ADK: variants seen among roughly 807,000 people sequenced by gnomAD.
ADK encodes adenosine kinase.
A neutral mutation model predicts 44.7 loss-of-function variants in ADK; 24 were observed. The ratio of observed to expected loss-of-function variants is 0.54; its 90% confidence interval spans 0.39 to 0.76. ADK has a LOEUF of 0.76. Among genes scored for constraint, ADK ranks in the 30% least tolerant of loss-of-function variants. ADK has a pLI of 0.00. For synonymous variants in ADK, 128 were observed against 142.6 expected (o/e 0.90, Z 0.73); for missense variants, 321 against 425.1 (o/e 0.76, Z 2.15).
intron 3 of ADK, among the ~76,000 whole-genome samples, chr10:74,241,685 C>T (rs1479551673): frequency 2.0e-5 from 3 of 151,946 alleles, no homozygotes; most frequent in East Asian, 1.9e-4. Context: ...TGCGCCCAGC[C>T]GATAAAACTC....
intron 6 of ADK, among the ~76,000 whole-genome samples, chr10:74,509,746 T>C (rs1244207714): frequency 6.6e-6 from 1 of 152,192 alleles, no homozygotes; most frequent in East Asian, 1.9e-4. Flanking sequence ...TTCCCCCTAC[T>C]TTCCCAGCCT....
At chr10:74,406,517 TAATAATAATAAGAAG>T (rs1371352649) in intron 6 of ADK, among the ~76,000 whole-genome samples, 29 of 52,232 alleles carry the variant, frequency 5.6e-4, no homozygotes, top group African/African-American at 1.6e-3. Context: ...ATAATAATAA[TAATAATAATAAGAAG>T]AAGAAGAAGA....
intron 1 of ADK, among the ~76,000 whole-genome samples, chr10:74,160,189 G>A (rs1323528990): frequency 4.6e-5 from 7 of 152,168 alleles, no homozygotes; most frequent in Non-Finnish European, 1.0e-4. Context: ...AGTGGAATCA[G>A]CTTTCCGTAA....
At chr10:74,307,479 T>A (rs1840297870) in intron 3 of ADK, among the ~76,000 whole-genome samples, 1 of 152,208 alleles carries the variant, frequency 6.6e-6, no homozygotes, top group African/African-American at 2.4e-5. Flanking sequence ...TTGTCCTTGT[T>A]GCTTCAGAGC....
intron 4 of ADK, chr10:74,371,971 C>A: frequency 1.2e-6 from 1 of 866,352 alleles, no homozygotes; most frequent in South Asian, 1.3e-5. Flanking sequence ...TCTACCGTTG[C>A]TTTGTGTAAC....
chr10:74,327,386 T>C (rs529168492), intron 4 of ADK, among the ~76,000 whole-genome samples: 1 of 152,340 alleles, frequency 6.6e-6, no homozygotes, highest in Non-Finnish European at 1.5e-5. Context: ...AACTGAAACT[T>C]GTTAAGACTT....
intron 3 of ADK, among the ~76,000 whole-genome samples, chr10:74,243,992 G>A (rs1845321192): frequency 6.7e-6 from 1 of 149,782 alleles, no homozygotes; most frequent in Admixed American, 6.6e-5. Context: ...ATTAAAAATC[G>A]ACACCTTAAA....
At chr10:74,271,736 A>G (rs1846439261) in intron 3 of ADK, among the ~76,000 whole-genome samples, 1 of 151,482 alleles carries the variant, frequency 6.6e-6, no homozygotes, top group Non-Finnish European at 1.5e-5. Flanking sequence ...TATAAAGGAC[A>G]TGAACTCATC....
chr10:74,522,533 T>A (rs1016548268), intron 6 of ADK, among the ~76,000 whole-genome samples: 3 of 152,220 alleles, frequency 2.0e-5, no homozygotes, highest in Admixed American at 2.0e-4. Context: ...CAATAAACCC[T>A]TCCTTAAAAG....
intron 9 of ADK, among the ~76,000 whole-genome samples, chr10:74,639,656 A>G (rs1207029302): frequency 6.6e-6 from 1 of 152,094 alleles, no homozygotes; most frequent in Non-Finnish European, 1.5e-5. Flanking sequence ...GGCCAACACA[A>G]TAAAACCCAT....
Position 74,151,278 on chromosome 10 carries a change from G to C in ADK, c.-1G>C, listed in dbSNP as rs757735079. On this transcript the variant is annotated 5_prime_UTR_variant, in exon 1 of 11. Transcript: ENST00000539909. The stretch of plus-strand genomic sequence containing the variant: ...AGCCAAAGTGGGGTGGGAGCGCGAA[G>C]ATGGCAGCTGCTGAGGAGGAGCCGA... The C allele has an allele frequency of 1.3e-6, 2 of 1,549,688 alleles. No homozygotes were observed. The highest frequency in any genetic ancestry group is 1.7e-6 in the Non-Finnish European group (2 of 1,146,858).
At chr10:74,617,047 C>T (rs1461818148) in intron 9 of ADK, among the ~76,000 whole-genome samples, 3 of 152,078 alleles carry the variant, frequency 2.0e-5, no homozygotes, top group East Asian at 3.8e-4. Context: ...ATCTTTTTCA[C>T]ATATTAACTG....
chr10:74,288,023 A>T (rs887344070), intron 3 of ADK, among the ~76,000 whole-genome samples: 3 of 151,546 alleles, frequency 2.0e-5, no homozygotes, highest in East Asian at 3.9e-4. Context: ...ATTTTTAAGT[A>T]CTTTTTTACT....
chr10:74,450,685 T>A (rs1028292923), intron 6 of ADK, among the ~76,000 whole-genome samples: 1 of 152,214 alleles, frequency 6.6e-6, no homozygotes, highest in Non-Finnish European at 1.5e-5. Context: ...TTAAAATCTT[T>A]ATAAAAATTC....
At chr10:74,476,928 C>CA (rs1846871676) in intron 6 of ADK, among the ~76,000 whole-genome samples, 4 of 152,012 alleles carry the variant, frequency 2.6e-5, no homozygotes, top group Non-Finnish European at 5.9e-5. Context: ...TTTTACTTAG[C>CA]AAAATTCATT....
chr10:74,625,230 A>G (rs1313050623), intron 9 of ADK, among the ~76,000 whole-genome samples: 3 of 152,192 alleles, frequency 2.0e-5, no homozygotes, highest in Non-Finnish European at 4.4e-5. Context: ...TTTCAAAGCA[A>G]GTGATGTATG....
intron 6 of ADK, among the ~76,000 whole-genome samples, chr10:74,494,202 C>G (rs1367976249): frequency 6.6e-6 from 1 of 152,092 alleles, no homozygotes; most frequent in African/African-American, 2.4e-5. Flanking sequence ...TTTGACAGCC[C>G]TTTTAGCTAT....
chr10:74,378,689 G>A (rs1842887125), intron 4 of ADK, among the ~76,000 whole-genome samples: 1 of 152,146 alleles, frequency 6.6e-6, no homozygotes, highest in Non-Finnish European at 1.5e-5. Flanking sequence ...TATTGAGAAG[G>A]TGAGATTTGG....
intron 6 of ADK, among the ~76,000 whole-genome samples, chr10:74,404,112 T>C (rs1263100065): frequency 6.6e-6 from 1 of 151,910 alleles, no homozygotes; most frequent in African/African-American, 2.4e-5. Flanking sequence ...GACCTCATGA[T>C]CCACACGCTT....
Sources: allele counts gnomAD v4.1 joint callset (sites outside exome capture counted in the v4.1 genomes callset), GRCh38; gene constraint gnomAD v4.1.1; transcripts MANE v1.5; gene names NCBI Gene and HGNC (gene_info 2026-07-23, HGNC 2026-07-21).